Variants in PPP1R13L observed in about 807,000 individuals in gnomAD.
PPP1R13L encodes the protein protein phosphatase 1 regulatory subunit 13 like.
PPP1R13L carries 50 observed loss-of-function variants against 80.9 expected under a neutral mutation model. That is an observed-to-expected ratio of 0.62 (90% confidence interval 0.49 to 0.78). The LOEUF is 0.78. Among genes scored for constraint, PPP1R13L ranks in the 30% least tolerant of loss-of-function variants. PPP1R13L has a pLI of 0.00. For missense variants in PPP1R13L, 1,200 were observed against 1,205.9 expected, an observed-to-expected ratio of 1.00 and a Z score of 0.07; for synonymous variants, 602 against 534.3, an observed-to-expected ratio of 1.13 and a Z score of -1.75.
chr19:45,397,732 G>A (rs1367931154), intron 3 of PPP1R13L, among the ~76,000 whole-genome samples: 1 of 151,736 alleles, frequency 6.6e-6, no homozygotes, highest in African/African-American at 2.4e-5. Flanking sequence ...GATTACAGGC[G>A]TGAACCACCG....
At chr19:45,389,338 C>G (rs1357401167) in intron 8 of PPP1R13L, among the ~76,000 whole-genome samples, 1 of 152,140 alleles carries the variant, frequency 6.6e-6, no homozygotes, top group African/African-American at 2.4e-5. Context: ...GAGAAGTGAT[C>G]TCTTCCCGCT....
intron 12 of PPP1R13L, 126 bp from the exon 13 acceptor site, chr19:45,380,354 C>T (rs1972739044): frequency 9.5e-7 from 1 of 1,048,010 alleles, no homozygotes; most frequent in South Asian, 1.4e-5. Context: ...CCAAACTGCT[C>T]CAGAATCCAA....
chr19:45,404,193 C>A (rs560674334), intron 1 of PPP1R13L, among the ~76,000 whole-genome samples: 1 of 152,152 alleles, frequency 6.6e-6, no homozygotes, highest in African/African-American at 2.4e-5. Flanking sequence ...TGGTTAAATG[C>A]CCGGCTATGC....
At chr19:45,389,490 G>C (rs1392099624) in intron 8 of PPP1R13L, among the ~76,000 whole-genome samples, 1 of 152,162 alleles carries the variant, frequency 6.6e-6, no homozygotes, top group Admixed American at 6.6e-5. Context: ...TTATGTGCCA[G>C]GTATTATGCT....
intron 7 of PPP1R13L, chr19:45,394,588 G>C (rs1302167153): frequency 6.7e-6 from 1 of 150,246 alleles, no homozygotes; most frequent in Non-Finnish European, 1.5e-5. Flanking sequence ...GGCTCAAGCT[G>C]AGTAGCTAGG....
At chr19:45,383,289 C>CG (rs1184776548) in intron 11 of PPP1R13L, among the ~76,000 whole-genome samples, 2 of 132,602 alleles carry the variant, frequency 1.5e-5, no homozygotes, top group East Asian at 4.6e-4. Context: ...CCACCGCGCC[C>CG]GGCCTTTTTT....
chr19:45,402,782 C>A (rs1837041301), intron 1 of PPP1R13L, among the ~76,000 whole-genome samples: 1 of 152,232 alleles, frequency 6.6e-6, no homozygotes, highest in Admixed American at 6.5e-5. Context: ...CTCCCCTGGG[C>A]TCCTCTCTCC....
chr19:45,380,328 G>T, intron 12 of PPP1R13L, 100 bp from the exon 13 acceptor site: 1 of 1,426,202 alleles, frequency 7.0e-7, no homozygotes, highest in South Asian at 1.2e-5. Flanking sequence ...TTCCTAAGGG[G>T]ACCTCTCAGC....
intron 8 of PPP1R13L, 24 bp from the exon 9 acceptor site, chr19:45,386,204 AG>A: frequency 6.7e-7 from 1 of 1,487,724 alleles, no homozygotes; most frequent in Non-Finnish European, 8.8e-7. Context: ...CGCAGAGGTC[AG>A]CGACTTGGAG....
At chr19:45,388,886 C>T (rs575887062) in intron 8 of PPP1R13L, among the ~76,000 whole-genome samples, 4 of 151,710 alleles carry the variant, frequency 2.6e-5, no homozygotes, top group Non-Finnish European at 5.9e-5. Flanking sequence ...TACAGGCATG[C>T]ACCACCAGGC....
chr19:45,381,037 ATATATATTATATATT>A (rs1301954888), intron 12 of PPP1R13L, among the ~76,000 whole-genome samples: 8 of 147,370 alleles, frequency 5.4e-5, no homozygotes, highest in African/African-American at 1.5e-4. Context: ...TTATATATAA[ATATATATTATATATT>A]TATATATTAT....
rs1973093514 is a variant in PPP1R13L, at chr19:45,396,384, CAGGTCAGACTCGTTCCAGGCTTTCGGAGG to C, written c.736_764del (p.Pro246GlyfsTer15). On this transcript the variant is annotated frameshift_variant, in exon 5 of 13. Transcript: ENST00000360957. LOFTEE classifies it high-confidence loss of function. This position sits in a 1 kb window ranked among gnomAD's most constrained non-coding sequence, Gnocchi z 5.3. ...AAGGCTTCTTCTCGTACGCCACGTC[CAGGTCAGACTCGTTCCAGGCTTTCGGAGG>C]CCGCCGGCGCAGCGTCAGGTCGTCT... The C allele has an allele frequency of 6.2e-7, 1 of 1,614,158 alleles. No individual in the cohort carries two copies. Among genetic ancestry groups the C allele is most frequent in the Non-Finnish European group, 8.5e-7 (1 of 1,180,012 alleles).
Position 45,385,687 on chromosome 19 carries a change from A to T in PPP1R13L, c.2123T>A (p.Ile708Asn). 1 of 1,612,764 alleles carries T rather than the reference A, an allele frequency of 6.2e-7. No homozygotes were observed. Among genetic ancestry groups the T allele is most frequent in the Non-Finnish European group, 8.5e-7 (1 of 1,179,684 alleles). Residue 708 changes from isoleucine (I) to asparagine (N), a missense_variant, in exon 11 of 13, where the codon ATC becomes AAC. Ile to Asn is a moderately radical substitution (Grantham distance 149). Around this residue, in one of 5 missense-constraint regions of PPP1R13L, gnomAD observed 165 missense variants for 177.1 expected, o/e 0.93. Coordinates refer to ENST00000360957, the MANE Select transcript of PPP1R13L (RefSeq NM_006663.4). Reference protein sequence around the residue: ...HCAASCNDTVICMALVQHGAA... With the variant: ...HCAASCNDTVNCMALVQHGAA... ...GCCGTGCTGCACCAGCGCCATGCAG[A>T]TGACTGTGTCGTTGCACGACGCCGC...
In PPP1R13L at chr19:45,396,181, C is replaced by G; in HGVS notation, c.890G>C (p.Gly297Ala). 6.2e-7 allele frequency: 1 copy of G among 1,609,370 alleles called. No individual in the cohort carries two copies. The change falls in exon 6 of 13, where the codon GGG becomes GCG. Residue 297 changes from glycine to alanine, a missense_variant. Gly to Ala is a moderately conservative substitution (Grantham distance 60). Around this residue, in one of 5 missense-constraint regions of PPP1R13L, gnomAD observed 764 missense variants for 714.5 expected, o/e 1.07. Transcript: ENST00000360957. This position sits in a 1 kb window ranked among gnomAD's most constrained non-coding sequence, Gnocchi z 5.3. ...TCGCCTCCTCACCTTGCCGGTGCCC[C>G]CCAGTCCATCCAGGCTGCTCTCCCT... ...PWRESSLDGL[G>A]GTGKDNLTSA...
chr19:45,389,192 T>G (rs986876286), intron 8 of PPP1R13L, among the ~76,000 whole-genome samples: 2 of 152,248 alleles, frequency 1.3e-5, no homozygotes, highest in South Asian at 4.1e-4. Flanking sequence ...TACAATGGGA[T>G]GCTCAGCCAT....
chr19:45,397,885 TCCC>T, intron 3 of PPP1R13L, 117 bp downstream of exon 3: 1 of 1,328,930 alleles, frequency 7.5e-7, no homozygotes, highest in South Asian at 1.7e-5. Flanking sequence ...TTTTTCAAGT[TCCC>T]TTGAAGAGCC....
chr19:45,385,674 C>T lies in PPP1R13L; in HGVS notation c.2136G>A (p.Leu712=). The change falls in exon 11 of 13, where the codon CTG becomes CTA. Residue 712 remains leucine, a synonymous_variant. Transcript: ENST00000360957. The part of the protein sequence containing the change: ...SCNDTVICMA[L]VQHGAAIFAT... ...CGAAGATTGCAGCGCCGTGCTGCAC[C>T]AGCGCCATGCAGATGACTGTGTCGT... is the stretch of plus-strand genomic sequence containing the variant. 1 of 1,612,966 alleles carries T rather than the reference C, an allele frequency of 6.2e-7. No individual in the cohort carries two copies. Among genetic ancestry groups the T allele is most frequent in the Non-Finnish European group, 8.5e-7 (1 of 1,179,778 alleles).
At chr19:45,387,173 C>G (rs188530308) in intron 8 of PPP1R13L, among the ~76,000 whole-genome samples, 71 of 151,824 alleles carry the variant, frequency 4.7e-4, no homozygotes, top group African/African-American at 1.7e-3. Context: ...GAGGCTGAGG[C>G]AGGAGGATTA....
rs559089759 is a variant in PPP1R13L at position 45,392,264 on chromosome 19, G to T, written c.1431C>A (p.Gly477=). ...TTGCTACAGGGCCTTCATCCACATC[G>T]CCAGCCTCCAGCACTGGTGTCAGCA... The part of the protein sequence containing the change: ...EGLLTPVLEA[G]DVDEGPVARP... Residue 477 remains glycine (G), a synonymous_variant, in exon 8 of 13, where the codon GGC becomes GGA. Transcript: ENST00000360957. 1 of 1,613,302 alleles carries T rather than the reference G, an allele frequency of 6.2e-7. No individual in the cohort carries two copies. The highest frequency in any genetic ancestry group is 1.7e-5 in the Admixed American group (1 of 59,994).
Sources: allele counts gnomAD v4.1 joint callset (sites outside exome capture counted in the v4.1 genomes callset), GRCh38; gene constraint gnomAD v4.1.1; regional missense constraint gnomAD v4.1.1; non-coding constraint Gnocchi (gnomAD v3.1); transcripts MANE v1.5; gene names NCBI Gene and HGNC (gene_info 2026-07-23, HGNC 2026-07-21).